NDUFA10: variants seen among roughly 807,000 people sequenced by gnomAD.
NDUFA10 encodes NADH:ubiquinone oxidoreductase subunit A10.
NDUFA10 carries 40 observed loss-of-function variants against 47.8 expected under a neutral mutation model. That is an observed-to-expected ratio of 0.84 (90% CI 0.65 to 1.09). The LOEUF is 1.09. Ranked by LOEUF, NDUFA10 falls within the 50% of genes least tolerant of loss-of-function variation. NDUFA10 has a pLI of 0.00. For synonymous variants in NDUFA10, 183 were observed against 172.2 expected, an observed-to-expected ratio of 1.06 and a Z score of -0.49; for missense variants, 413 against 451.1, an observed-to-expected ratio of 0.92 and a Z score of 0.76.
chr2:239,898,389 A>G (rs1574760908), intron 4 of NDUFA10, among the ~76,000 whole-genome samples: 1 of 152,332 alleles, frequency 6.6e-6, no homozygotes, highest in Non-Finnish European at 1.5e-5. Flanking sequence ...CAGCCTCCAG[A>G]GTCAGGAAGG....
chr2:239,943,377 C>G (rs1367115247), intron 4 of NDUFA10, among the ~76,000 whole-genome samples: 1 of 152,196 alleles, frequency 6.6e-6, no homozygotes, highest in African/African-American at 2.4e-5. Flanking sequence ...GCCACACAGG[C>G]TGGATGGAGT....
intron 9 of NDUFA10, among the ~76,000 whole-genome samples, chr2:239,984,516 T>C (rs1001475560): frequency 6.6e-6 from 1 of 152,216 alleles, no homozygotes; most frequent in East Asian, 1.9e-4. Flanking sequence ...ACAAGCCCAA[T>C]ATCATATATT....
chr2:240,015,055 G>C (rs960831652), intron 4 of NDUFA10, among the ~76,000 whole-genome samples, 195 bp from the exon 5 acceptor site: 8 of 152,232 alleles, frequency 5.3e-5, no homozygotes, highest in Non-Finnish European at 1.2e-4. Flanking sequence ...GGTGCCACGG[G>C]GCATGTGCAG....
intron 8 of NDUFA10, among the ~76,000 whole-genome samples, chr2:240,004,057 T>C (rs893124762): frequency 7.9e-5 from 12 of 152,096 alleles, no homozygotes; most frequent in African/African-American, 2.9e-4. Flanking sequence ...TCACTGTGCC[T>C]GCCAGAGCCC....
chr2:239,955,467 G>T (rs991417827), downstream of NDUFA10, among the ~76,000 whole-genome samples: 1 of 152,182 alleles, frequency 6.6e-6, no homozygotes, highest in South Asian at 2.1e-4. Flanking sequence ...GGTCCACAAG[G>T]GACTTTCAGG....
intron 4 of NDUFA10, among the ~76,000 whole-genome samples, chr2:239,922,525 T>C (rs1694006415): frequency 6.6e-6 from 1 of 152,208 alleles, no homozygotes; most frequent in South Asian, 2.1e-4. Context: ...GACCATGTGT[T>C]CCTCTAGACA....
In NDUFA10 at chr2:239,915,096, CACAA is replaced by C. The variant is rs1261862291; in HGVS notation, c.295-19786_295-19783del. 1.6e-4 allele frequency among the ~76,000 whole-genome samples: 23 copies of C among 143,844 alleles called. No individual in the cohort carries two copies. The East Asian group carries it at 2.9e-3, about 18-fold the overall frequency. 94.4% of individuals were successfully genotyped at this position (143,844 alleles called of 152,430 possible). On this transcript the variant is annotated intron_variant, in intron 4 of 5. Transcript: ENST00000419408. ...ACAGACACACACAGAGACAGAGATA[CACAA>C]ACATACACACACACAGAACACACAC...
At chr2:239,915,539 A>G (rs892577003) in intron 4 of NDUFA10, among the ~76,000 whole-genome samples, 4 of 104,770 alleles carry the variant, frequency 3.8e-5, no homozygotes, top group Non-Finnish European at 8.0e-5. Flanking sequence ...ACACAAACAT[A>G]CACAGAGAAC....
chr2:239,969,690 G>T, intron 9 of NDUFA10: 1 of 471,354 alleles, frequency 2.1e-6, no homozygotes, highest in Non-Finnish European at 4.4e-6. Context: ...TCCTCTCCCC[G>T]ATCCTTCAAA....
rs1203682676 is a variant in NDUFA10 at position 240,018,638 on chromosome 2, T to C, written c.462A>G (p.Gly154=). The C allele has an allele frequency of 6.2e-7, 1 of 1,614,132 alleles. No individual in the cohort carries two copies. Among genetic ancestry groups the C allele is most frequent in the East Asian group, 2.2e-5 (1 of 44,880 alleles). The change falls in exon 4 of 10, where the codon GGA becomes GGG. Residue 154 remains glycine, a splice_region_variant and synonymous_variant. Coordinates refer to ENST00000252711, the MANE Select transcript of NDUFA10 (RefSeq NM_004544.4). ...TGGAGCGCTCCAACACAACACCTTGTCCTGTTTAAACATAGGCAAACAGAA... is the reference window on the plus strand; with the variant it reads ...TGGAGCGCTCCAACACAACACCTTGCCCTGTTTAAACATAGGCAAACAGAA... ...SDALEHLLTT[G]QGVVLERSIF...
rs144127205 is a variant in NDUFA10 at position 239,930,257 on chromosome 2, G to A, written c.295-34943C>T. 3.6e-3 allele frequency among the ~76,000 whole-genome samples: 485 copies of A among 136,012 alleles called. 4 individuals carry two copies. The highest frequency in any genetic ancestry group is 4.8e-3 in the Non-Finnish European group (300 of 62,108). 89.2% of individuals were successfully genotyped at this position (136,012 alleles called of 152,430 possible). A position where few individuals can be genotyped will look rare whatever the true frequency, so the allele number is the denominator to read the frequency against. On this transcript the variant is annotated intron_variant, in intron 4 of 5. Coordinates refer to the NDUFA10 transcript ENST00000419408. ...GCTTCTCCACCGCCCCTAGTCCTCC[G>A]CCAGCCCTGCTTCTCCACCACCCCT... is the stretch of plus-strand genomic sequence containing the variant.
chr2:239,906,055 A>AT lies in NDUFA10; in HGVS notation c.295-10742dup, dbSNP rs1039726307. On this transcript the variant is annotated intron_variant, in intron 4 of 5. Transcript: ENST00000419408. This position sits in a 1 kb window ranked among gnomAD's most constrained non-coding sequence, Gnocchi z 4.3. ...GGAATTCCTGGAGCCCTGAGGGGTG[A>AT]TACCTCCAAGGTGCTCAGGGGACCT... Among the ~76,000 whole-genome samples the AT allele has an allele frequency of 1.9e-4, 29 of 152,216 alleles. No homozygotes were observed. Among genetic ancestry groups the AT allele is most frequent in the African/African-American group, 6.7e-4 (28 of 41,544 alleles).
At chr2:239,957,079 TC>T (rs1456925292), downstream of NDUFA10, among the ~76,000 whole-genome samples, 1 of 152,022 alleles carries the variant, frequency 6.6e-6, no homozygotes, top group African/African-American at 2.4e-5. Flanking sequence ...GGCCAGACCC[TC>T]CTTGCGGCTC....
At chr2:239,914,066 T>C (rs969022523) in intron 4 of NDUFA10, among the ~76,000 whole-genome samples, 1 of 152,042 alleles carries the variant, frequency 6.6e-6, no homozygotes, top group African/African-American at 2.4e-5. Context: ...TGAGAAACCT[T>C]TACTTCCCCA....
At chr2:239,969,476 G>A (rs574419847) in intron 9 of NDUFA10, 22 of 347,022 alleles carry the variant, frequency 6.3e-5, no homozygotes, top group Non-Finnish European at 1.3e-4. Context: ...CCACGGCCAC[G>A]CACGTTACAG....
intron 4 of NDUFA10, among the ~76,000 whole-genome samples, chr2:239,907,957 T>C (rs1693685338): frequency 6.6e-6 from 1 of 152,214 alleles, no homozygotes; most frequent in African/African-American, 2.4e-5. Flanking sequence ...TGTATGTTTA[T>C]TGCGGCACTA....
At chr2:239,936,139 G>A (rs1574790138) in intron 4 of NDUFA10, among the ~76,000 whole-genome samples, 1 of 152,226 alleles carries the variant, frequency 6.6e-6, no homozygotes, top group Admixed American at 6.5e-5. Flanking sequence ...TCATGAGGGT[G>A]CAGGAAGAGA....
intron 8 of NDUFA10, among the ~76,000 whole-genome samples, chr2:239,997,858 A>T (rs554772951): frequency 1.6e-4 from 25 of 152,328 alleles, no homozygotes; most frequent in African/African-American, 5.1e-4. Context: ...GATCATTCTT[A>T]GCAGCTGACG....
At chr2:239,995,470 T>C (rs1232058024) in intron 8 of NDUFA10, among the ~76,000 whole-genome samples, 3 of 151,888 alleles carry the variant, frequency 2.0e-5, no homozygotes, top group Admixed American at 2.0e-4. Flanking sequence ...ACAATCAAGA[T>C]GTTAAGGGAA....
Sources: allele counts gnomAD v4.1 joint callset (sites outside exome capture counted in the v4.1 genomes callset), GRCh38; gene constraint gnomAD v4.1.1; non-coding constraint Gnocchi (gnomAD v3.1); transcripts MANE v1.5; gene names NCBI Gene and HGNC (gene_info 2026-07-23, HGNC 2026-07-21).